PTPRN2: variants seen among roughly 807,000 people sequenced by gnomAD.
PTPRN2 encodes the protein receptor-type tyrosine-protein phosphatase N2.
In PTPRN2, 74 loss-of-function variants were observed where a neutral mutation model predicts 118.8. The observed-to-expected ratio is 0.62, with a 90% confidence interval of 0.52 to 0.76. The LOEUF (loss-of-function observed/expected upper bound fraction) is 0.76. Among genes scored for constraint, PTPRN2 ranks in the 30% least tolerant of loss-of-function variants. The pLI is 0.00. For synonymous variants in PTPRN2, 641 were observed against 608.0 expected, an observed-to-expected ratio of 1.05 and a Z score of -0.80; for missense variants, 1,481 against 1,394.4, an observed-to-expected ratio of 1.06 and a Z score of -0.99.
At position 157,603,348 on chromosome 7, in the gene PTPRN2, C is replaced by T. The variant is rs1040149149; in HGVS notation, c.2418+654G>A. ...CCAGAGTTAAATAGGGTGAGAGCCGCGTCTAGCATGGGCTGAGAGGAGCCC... is the reference window on the plus strand; with the variant it reads ...CCAGAGTTAAATAGGGTGAGAGCCGTGTCTAGCATGGGCTGAGAGGAGCCC... On this transcript the variant is annotated intron_variant, in intron 16 of 22. Coordinates refer to ENST00000389418, the MANE Select transcript of PTPRN2 (RefSeq NM_002847.5). This position sits in a 1 kb window ranked among gnomAD's most constrained non-coding sequence, Gnocchi z 5.4. 1.1e-4 allele frequency among the ~76,000 whole-genome samples: 16 copies of T among 152,176 alleles called. No individual in the cohort carries two copies. The highest frequency in any genetic ancestry group is 8.5e-4 in the Admixed American group (13 of 15,280).
At chr7:158,023,720 C>A (rs751907024) in intron 11 of PTPRN2, among the ~76,000 whole-genome samples, 3 of 152,192 alleles carry the variant, frequency 2.0e-5, no homozygotes, top group Non-Finnish European at 4.4e-5. Flanking sequence ...AATCTTCATG[C>A]CCAGTTTGTC....
chr7:157,582,827 C>T (rs1222560368), intron 17 of PTPRN2, among the ~76,000 whole-genome samples: 1 of 151,678 alleles, frequency 6.6e-6, no homozygotes, highest in African/African-American at 2.4e-5. Flanking sequence ...TGAGCCGAGA[C>T]CGTGTCATTG....
intron 12 of PTPRN2, among the ~76,000 whole-genome samples, chr7:157,791,389 C>A (rs945562077): frequency 1.3e-5 from 2 of 152,232 alleles, no homozygotes; most frequent in African/African-American, 4.8e-5. Flanking sequence ...TCGTGCCTGG[C>A]GTGTTTTACG....
Position 158,575,007 on chromosome 7 carries a change from C to T in PTPRN2, c.112+12551G>A, listed in dbSNP as rs115533422. ...AGACTTCCATCCTTTCTTCAAAGGA[C>T]ATATTTTTCTTCCCTTTTGTCATTT... On this transcript the variant is annotated intron_variant, in intron 1 of 22. Transcript: ENST00000389418. Among the ~76,000 whole-genome samples the T allele has an allele frequency of 2.8e-3, 421 of 152,328 alleles. 3 individuals carry two copies. The highest frequency in any genetic ancestry group is 9.6e-3 in the African/African-American group (397 of 41,570).
chr7:157,817,617 C>A (rs534470550), intron 12 of PTPRN2, among the ~76,000 whole-genome samples: 2 of 152,314 alleles, frequency 1.3e-5, no homozygotes, highest in South Asian at 4.1e-4. Context: ...ACCTGTCGAC[C>A]AGGGACACAC....
Position 157,682,899 on chromosome 7 carries a change from T to C in PTPRN2, c.1827A>G (p.Gln609=). The change falls in exon 13 of 23, where the codon CAA becomes CAG. Residue 609 remains glutamine, a synonymous_variant. Transcript: ENST00000389418. ...GCGCGATGAACTTGGTGGAGTCTTC[T>C]TGCTCCGCCTGAGGAGGCAGGAACT... ...KLKFLPPQAE[Q]EDSTKFIALT... The C allele has an allele frequency of 2.5e-6, 4 of 1,613,964 alleles. No individual in the cohort carries two copies. The South Asian group carries it at 4.4e-5, about 18-fold the overall frequency.
At chr7:158,234,887 C>A (rs535603454) in intron 3 of PTPRN2, among the ~76,000 whole-genome samples, 5 of 152,156 alleles carry the variant, frequency 3.3e-5, no homozygotes, top group African/African-American at 1.2e-4. Flanking sequence ...CTCAGCCTCC[C>A]GAGTAGCTGG....
chr7:157,587,156 C>A lies in PTPRN2; in HGVS notation c.2496+8082G>T, dbSNP rs575539437. 9.9e-5 allele frequency among the ~76,000 whole-genome samples: 15 copies of A among 151,846 alleles called. No individual in the cohort carries two copies. In the East Asian group the frequency reaches 2.9e-3, roughly 29 times the overall value. On this transcript the variant is annotated intron_variant, in intron 17 of 22. Transcript: ENST00000389418. The surrounding 1 kb of genome is among the most constrained non-coding windows in gnomAD (Gnocchi z 5.3). ...ATACACAGGCAGGCAGACAGGCAGA[C>A]AGGCAGGCAGACAGACAAGACAGGC...
rs202241805 is a variant in PTPRN2, at chr7:158,096,587, TCCTTG to T, written c.1643+14237_1643+14241del. Among the ~76,000 whole-genome samples, 1,102 of 152,350 alleles carry T rather than the reference TCCTTG, an allele frequency of 7.2e-3. 16 individuals are homozygous for T. The highest frequency in any genetic ancestry group is 0.025 in the African/African-American group (1,058 of 41,584). ...GGGAGTTTTGACGTACTGTGACATT[TCCTTG>T]ACATTCCTTATTTCCAGGAAAACCT... On this transcript the variant is annotated intron_variant, in intron 10 of 22. Transcript: ENST00000389418.
At chr7:158,489,027 G>A (rs1396773632) in intron 2 of PTPRN2, among the ~76,000 whole-genome samples, 1 of 152,270 alleles carries the variant, frequency 6.6e-6, no homozygotes, top group Non-Finnish European at 1.5e-5. Flanking sequence ...GGCTCTGCAG[G>A]ACCCGCTGCT....
chr7:158,550,351 G>A lies in PTPRN2; in HGVS notation c.112+37207C>T, dbSNP rs962097361. Among the ~76,000 whole-genome samples, 8 of 152,332 alleles carry A rather than the reference G, an allele frequency of 5.3e-5. No homozygotes were observed. In the East Asian group the frequency reaches 5.8e-4, roughly 11 times the overall value. On this transcript the variant is annotated intron_variant, in intron 1 of 22. Coordinates refer to ENST00000389418, the MANE Select transcript of PTPRN2 (RefSeq NM_002847.5). ...AACAAACTTGGGAATCCAAGATGGA[G>A]GGCAGCAGGACGCTCCCACATCCCC...
chr7:157,753,000 A>G (rs949726496), intron 12 of PTPRN2, among the ~76,000 whole-genome samples: 2 of 152,184 alleles, frequency 1.3e-5, no homozygotes, highest in African/African-American at 4.8e-5. Context: ...CTGATAACAG[A>G]CGGTCAGGAG....
chr7:158,351,429 C>A (rs1807922052), intron 2 of PTPRN2, among the ~76,000 whole-genome samples: 1 of 152,224 alleles, frequency 6.6e-6, no homozygotes, highest in Admixed American at 6.5e-5. Flanking sequence ...TCTGGGGCGA[C>A]TCGTACACTG....
Position 158,524,971 on chromosome 7 carries a change from A to C in PTPRN2, c.113-35186T>G, listed in dbSNP as rs933612550. On this transcript the variant is annotated intron_variant, in intron 1 of 22. Transcript: ENST00000389418. ...ACTGGGGGCTCCTCCAGCACAGCCA[A>C]CACCACCTGTGCCAGCATCACTGCC... Among the ~76,000 whole-genome samples, 6 of 152,106 alleles carry C rather than the reference A, an allele frequency of 3.9e-5. 1 individual carries two copies. The South Asian group carries it at 1.2e-3, about 32-fold the overall frequency.
chr7:157,543,387 C>T (rs1049939026), intron 22 of PTPRN2, among the ~76,000 whole-genome samples: 2 of 152,262 alleles, frequency 1.3e-5, no homozygotes, highest in Admixed American at 6.5e-5. Flanking sequence ...GACGGCCGAG[C>T]CAGGCTCAGG....
chr7:157,659,471 G>A (rs1585193374), intron 13 of PTPRN2, among the ~76,000 whole-genome samples: 1 of 136,502 alleles, frequency 7.3e-6, no homozygotes, highest in Non-Finnish European at 1.6e-5. Flanking sequence ...ACAGGGATGG[G>A]GGGGGCGGGG....
At chr7:158,331,413 G>C (rs1205853011) in intron 2 of PTPRN2, among the ~76,000 whole-genome samples, 3 of 88,440 alleles carry the variant, frequency 3.4e-5, no homozygotes, top group Non-Finnish European at 4.6e-5. Context: ...TAAGAGCTGA[G>C]GCCCACAGAG....
At chr7:157,726,231 G>A (rs1799589260) in intron 12 of PTPRN2, among the ~76,000 whole-genome samples, 1 of 139,820 alleles carries the variant, frequency 7.2e-6, no homozygotes, top group African/African-American at 2.8e-5. Flanking sequence ...CACACGCAGA[G>A]GAGTGTGGCC....
chr7:158,503,729 G>A (rs574970540), intron 1 of PTPRN2, among the ~76,000 whole-genome samples: 13 of 152,300 alleles, frequency 8.5e-5, no homozygotes, highest in African/African-American at 2.2e-4. Flanking sequence ...GGCCAGCCAC[G>A]GTGGCTCACG....
Sources: gnomAD v4.1 joint callset for allele counts (sites outside exome capture counted in the v4.1 genomes callset) on GRCh38, gnomAD v4.1.1 for gene constraint, Gnocchi (gnomAD v3.1) non-coding constraint, MANE v1.5 for transcripts, NCBI Gene and HGNC (gene_info 2026-07-23, HGNC 2026-07-21) for gene names.